Variants in SMAD1 observed in about 807,000 individuals in gnomAD.
The protein encoded by SMAD1 is SMAD family member 1.
SMAD1 carries 6 observed loss-of-function variants against 41.6 expected under a neutral mutation model. That is an observed-to-expected ratio of 0.14 (90% confidence interval 0.08 to 0.28). The LOEUF is 0.28. SMAD1 is among the 10% of genes least tolerant of loss of function. The pLI is 1.00. For synonymous variants in SMAD1, 206 were observed against 203.2 expected, an observed-to-expected ratio of 1.01 and a Z score of -0.12; for missense variants, 379 against 582.6, an observed-to-expected ratio of 0.65 and a Z score of 3.60.
At position 145,514,504 on chromosome 4, in the gene SMAD1, A is replaced by T. The variant is rs565742078; in HGVS notation, c.-110A>T. 147 of 1,070,566 alleles carry T rather than the reference A, an allele frequency of 1.4e-4. No homozygotes were observed. The highest frequency in any genetic ancestry group is 1.9e-4 in the Non-Finnish European group (143 of 752,326). 66.3% of individuals were successfully genotyped at this position (1,070,566 alleles called of 1,614,324 possible). Reference sequence around the variant, plus strand: ...TTCTACTCTTCTGGACTTCAAACTAAGAAGTTAAAGAGACTTCTCTGTAAA... The same window carrying T: ...TTCTACTCTTCTGGACTTCAAACTATGAAGTTAAAGAGACTTCTCTGTAAA... On this transcript the variant is annotated 5_prime_UTR_variant, in exon 2 of 7. The change creates a new upstream start codon in the 5' untranslated region. Coordinates refer to ENST00000302085, the MANE Select transcript of SMAD1 (RefSeq NM_005900.3). The surrounding 1 kb of genome is among the most constrained non-coding windows in gnomAD (Gnocchi z 4.7).
chr4:145,496,196 G>A (rs1729065462), intron 1 of SMAD1, among the ~76,000 whole-genome samples: 1 of 151,964 alleles, frequency 6.6e-6, no homozygotes, highest in South Asian at 2.1e-4. Context: ...AATTAGAAAG[G>A]GATGGAAGGA....
At chr4:145,496,117 G>GTT (rs143144149) in intron 1 of SMAD1, among the ~76,000 whole-genome samples, 3 of 147,294 alleles carry the variant, frequency 2.0e-5, no homozygotes, top group Non-Finnish European at 3.0e-5. Flanking sequence ...TAAAACTCTT[G>GTT]TTTTTTTTTT....
At chr4:145,520,083 C>T (rs973086321) in intron 2 of SMAD1, among the ~76,000 whole-genome samples, 2 of 152,034 alleles carry the variant, frequency 1.3e-5, no homozygotes, top group Admixed American at 1.3e-4. Flanking sequence ...TGGCTGTTAT[C>T]AAAAAGATGA....
At chr4:145,557,052 C>T (rs1243865372) in intron 6 of SMAD1, among the ~76,000 whole-genome samples, 1 of 152,144 alleles carries the variant, frequency 6.6e-6, no homozygotes, top group Non-Finnish European at 1.5e-5. Context: ...TCTGATATTC[C>T]TCATGAAACA....
chr4:145,523,368 T>C (rs549017657), intron 2 of SMAD1, among the ~76,000 whole-genome samples: 170 of 152,280 alleles, frequency 1.1e-3, no homozygotes, highest in African/African-American at 3.8e-3. Flanking sequence ...GGTGTTGCAA[T>C]CTGTGTGGTG....
At chr4:145,490,267 A>T (rs1407954246) in intron 1 of SMAD1, among the ~76,000 whole-genome samples, 2 of 152,180 alleles carry the variant, frequency 1.3e-5, no homozygotes, top group Admixed American at 1.3e-4. Context: ...GAGTTGTCTG[A>T]GAAAGAAACA....
intron 2 of SMAD1, among the ~76,000 whole-genome samples, chr4:145,525,974 A>C (rs1293296071): frequency 1.3e-5 from 2 of 152,212 alleles, no homozygotes; most frequent in African/African-American, 4.8e-5. Flanking sequence ...TTAAAAATGG[A>C]AGATCAGGTT....
At chr4:145,506,422 C>T (rs1369582313) in intron 1 of SMAD1, among the ~76,000 whole-genome samples, 1 of 151,792 alleles carries the variant, frequency 6.6e-6, no homozygotes, top group Non-Finnish European at 1.5e-5. Flanking sequence ...GATTTTTTTC[C>T]CCCAGTCACT....
chr4:145,521,671 AAG>A (rs1730745518), intron 2 of SMAD1, among the ~76,000 whole-genome samples: 2 of 152,280 alleles, frequency 1.3e-5, no homozygotes, highest in South Asian at 2.1e-4. Flanking sequence ...AAGAAGAGGA[AAG>A]AGGGGAAGGG....
intron 2 of SMAD1, 118 bp from the exon 3 acceptor site, chr4:145,539,686 C>A: frequency 1.0e-6 from 1 of 971,986 alleles, no homozygotes; most frequent in Non-Finnish European, 1.5e-6. Context: ...GAGTTGGCAG[C>A]AGGACAGGGA....
At chr4:145,548,966 C>T (rs1288915521) in intron 5 of SMAD1, among the ~76,000 whole-genome samples, 3 of 152,164 alleles carry the variant, frequency 2.0e-5, no homozygotes, top group Non-Finnish European at 2.9e-5. Flanking sequence ...AAGGCCATAA[C>T]ATCACCTACG....
chr4:145,493,727 T>A (rs993929629), intron 1 of SMAD1, among the ~76,000 whole-genome samples: 2 of 152,222 alleles, frequency 1.3e-5, no homozygotes, highest in African/African-American at 4.8e-5. Flanking sequence ...AAGCTGATAT[T>A]AATCAATTCA....
intron 1 of SMAD1, chr4:145,502,881 A>G (rs1190062430): frequency 6.6e-6 from 1 of 152,140 alleles, no homozygotes; most frequent in Non-Finnish European, 1.5e-5. Context: ...CTCACTTAAC[A>G]CTGTTGAGGG....
intron 2 of SMAD1, among the ~76,000 whole-genome samples, chr4:145,539,382 A>G (rs868155469): frequency 1.3e-5 from 2 of 152,234 alleles, no homozygotes; most frequent in Non-Finnish European, 2.9e-5. Context: ...TGAATAATTC[A>G]TATCATTCAA....
At position 145,518,472 on chromosome 4, in the gene SMAD1, A is replaced by G. The variant is rs1205918459; in HGVS notation, c.400+3459A>G. 4.3e-4 allele frequency among the ~76,000 whole-genome samples: 49 copies of G among 115,226 alleles called. 11 individuals carry two copies. The highest frequency in any genetic ancestry group is 1.3e-4 in the Non-Finnish European group (6 of 47,924). 75.6% of individuals were successfully genotyped at this position (115,226 alleles called of 152,430 possible). ...CCATTGCACTCCAGCCTGGGGGACA[A>G]GAGTGAAACTCCATCTCAAAAAAAA... On this transcript the variant is annotated intron_variant, in intron 2 of 6. Transcript: ENST00000302085.
At position 145,514,638 on chromosome 4, in the gene SMAD1, T is replaced by C; in HGVS notation, c.25T>C (p.Phe9Leu). ...TATGAATGTGACAAGTTTATTTTCCTTTACAAGTCCAGCTGTGAAGAGACT... is the reference window on the plus strand; with the variant it reads ...TATGAATGTGACAAGTTTATTTTCCCTTACAAGTCCAGCTGTGAAGAGACT... MNVTSLFS[F>L]TSPAVKRLLG... Residue 9 changes from phenylalanine (F) to leucine (L), a missense_variant, in exon 2 of 7, where the codon TTT becomes CTT. Transcript: ENST00000302085. The surrounding 1 kb of genome is among the most constrained non-coding windows in gnomAD (Gnocchi z 4.7). 6.2e-7 allele frequency: 1 copy of C among 1,608,498 alleles called. No individual in the cohort carries two copies. The highest frequency in any genetic ancestry group is 8.5e-7 in the Non-Finnish European group (1 of 1,178,320).
At chr4:145,512,457 G>A (rs910087228) in intron 1 of SMAD1, among the ~76,000 whole-genome samples, 13 of 151,992 alleles carry the variant, frequency 8.6e-5, no homozygotes, top group Non-Finnish European at 1.8e-4. Flanking sequence ...ATTAGTATGA[G>A]CATTTTTTAC....
rs1730257766 is a variant in SMAD1, at chr4:145,514,347, C to CTT, written c.-176-91_-176-90insTT. The CTT allele has an allele frequency of 4.2e-5, 15 of 358,414 alleles. No individual in the cohort carries two copies. The South Asian group carries it at 1.1e-3, about 26-fold the overall frequency. The allele number at this position is 358,414 out of a possible 1,614,324, so 22.2% of individuals were successfully genotyped here. On this transcript the variant is annotated intron_variant, in intron 1 of 6. Transcript: ENST00000302085. This position sits in a 1 kb window ranked among gnomAD's most constrained non-coding sequence, Gnocchi z 4.7. ...CACAGCATACTGTATTACATAAAAGCACTTAAAATAGTACCTAGCACATGG... is the reference window on the plus strand; with the variant it reads ...CACAGCATACTGTATTACATAAAAGCTTACTTAAAATAGTACCTAGCACATGG...
chr4:145,509,303 T>G (rs761747235), intron 1 of SMAD1, among the ~76,000 whole-genome samples: 2 of 152,230 alleles, frequency 1.3e-5, no homozygotes. Context: ...TAGACATGTT[T>G]GCTTCTGTGT....
Sources: gnomAD v4.1 joint callset for allele counts (sites outside exome capture counted in the v4.1 genomes callset) on GRCh38, gnomAD v4.1.1 for gene constraint, Gnocchi (gnomAD v3.1) non-coding constraint, MANE v1.5 for transcripts, NCBI Gene and HGNC (gene_info 2026-07-23, HGNC 2026-07-21) for gene names.